PIP4K2A: variants seen among roughly 807,000 people sequenced by gnomAD.
PIP4K2A encodes phosphatidylinositol-5-phosphate 4-kinase type 2 alpha, also known as phosphatidylinositol 5-phosphate 4-kinase type-2 alpha.
A neutral mutation model predicts 42.9 loss-of-function variants in PIP4K2A; 14 were observed. That is an observed-to-expected ratio of 0.33 (90% confidence interval 0.22 to 0.51). The LOEUF is 0.51. Among genes scored for constraint, PIP4K2A ranks in the 20% least tolerant of loss-of-function variants. The pLI is 0.97. For missense variants in PIP4K2A, 434 were observed against 519.8 expected (o/e 0.83, Z 1.61); for synonymous variants, 192 against 192.2 (o/e 1.00, Z 0.01).
At chr10:22,598,026 A>G (rs1040036825) in intron 3 of PIP4K2A, among the ~76,000 whole-genome samples, 4 of 152,188 alleles carry the variant, frequency 2.6e-5, no homozygotes, top group African/African-American at 9.7e-5. Context: ...ACACACTTGG[A>G]GAGTTATATG....
chr10:22,668,432 T>C (rs537336241), intron 1 of PIP4K2A, among the ~76,000 whole-genome samples: 1 of 152,304 alleles, frequency 6.6e-6, no homozygotes, highest in South Asian at 2.1e-4. Context: ...TTTTTGTTTG[T>C]TTGTTTTTTA....
At chr10:22,708,501 CCAT>C (rs1213669020) in intron 1 of PIP4K2A, among the ~76,000 whole-genome samples, 1 of 152,218 alleles carries the variant, frequency 6.6e-6, no homozygotes, top group Non-Finnish European at 1.5e-5. Flanking sequence ...CCACCCACCA[CCAT>C]CACCTGCAAT....
At chr10:22,704,307 GC>G (rs1833770509) in intron 1 of PIP4K2A, among the ~76,000 whole-genome samples, 1 of 152,054 alleles carries the variant, frequency 6.6e-6, no homozygotes, top group Admixed American at 6.5e-5. Flanking sequence ...AAAAAAAGGA[GC>G]CCCCTGCATT....
At chr10:22,598,940 G>T in intron 3 of PIP4K2A, among the ~76,000 whole-genome samples, 2 of 151,712 alleles carry the variant, frequency 1.3e-5, no homozygotes. Flanking sequence ...ACATTTGATA[G>T]TTTCATATTA....
At chr10:22,680,924 A>G (rs1002361514) in intron 1 of PIP4K2A, among the ~76,000 whole-genome samples, 1 of 152,204 alleles carries the variant, frequency 6.6e-6, no homozygotes, top group Non-Finnish European at 1.5e-5. Context: ...GCAAGCCACA[A>G]AGATTCCTTT....
In PIP4K2A at chr10:22,664,160, T is replaced by TATATAC. The variant is rs1554807281; in HGVS notation, c.144+50022_144+50023insGTATAT. On this transcript the variant is annotated intron_variant, in intron 1 of 9. Coordinates refer to ENST00000376573, the MANE Select transcript of PIP4K2A (RefSeq NM_005028.5). ...ATATATACATATATATACACATATA[T>TATATAC]ATATATACATATATATATATACATA... 3.0e-3 allele frequency among the ~76,000 whole-genome samples: 199 copies of TATATAC among 67,232 alleles called. 16 individuals are homozygous for TATATAC. Among genetic ancestry groups the TATATAC allele is most frequent in the African/African-American group, 0.022 (193 of 8,970 alleles). The allele number at this position is 67,232 out of a possible 152,430, so 44.1% of individuals were successfully genotyped here. A position where few individuals can be genotyped will look rare whatever the true frequency, so the allele number is the denominator to read the frequency against.
Position 22,536,981 on chromosome 10 carries a change from CA to C in PIP4K2A, c.*219del. 6.5e-6 allele frequency: 3 copies of C among 459,176 alleles called. No individual in the cohort carries two copies. Among genetic ancestry groups the C allele is most frequent in the East Asian group, 4.1e-5 (1 of 24,668 alleles). 28.4% of individuals were successfully genotyped at this position (459,176 alleles called of 1,614,324 possible). Reference sequence around the variant, plus strand: ...CACCCCCCCCCAACACACACACACACACATATACACAAAGTCAGAAATAGCT... The same window carrying C: ...CACCCCCCCCCAACACACACACACACCATATACACAAAGTCAGAAATAGCT... On this transcript the variant is annotated 3_prime_UTR_variant, in exon 10 of 10. Transcript: ENST00000376573.
At chr10:22,562,462 T>C (rs969854759) in intron 6 of PIP4K2A, among the ~76,000 whole-genome samples, 4 of 152,092 alleles carry the variant, frequency 2.6e-5, no homozygotes, top group African/African-American at 7.2e-5. Flanking sequence ...GGCAGGAGAA[T>C]GGCATGAACC....
intron 1 of PIP4K2A, among the ~76,000 whole-genome samples, chr10:22,634,796 A>AT (rs1838626233): frequency 6.6e-6 from 1 of 152,140 alleles, no homozygotes; most frequent in South Asian, 2.1e-4. Flanking sequence ...AATCATCTCT[A>AT]ATGTCACCAA....
At chr10:22,558,385 T>C (rs1412958978) in intron 6 of PIP4K2A, among the ~76,000 whole-genome samples, 1 of 152,230 alleles carries the variant, frequency 6.6e-6, no homozygotes, top group Non-Finnish European at 1.5e-5. Flanking sequence ...ATGTTGGAGC[T>C]AGGATAAAAA....
At chr10:22,545,640 G>A (rs1836242203) in intron 7 of PIP4K2A, among the ~76,000 whole-genome samples, 1 of 152,212 alleles carries the variant, frequency 6.6e-6, no homozygotes, top group Non-Finnish European at 1.5e-5. Context: ...GCATCTCTAG[G>A]TAAGAAGCTG....
chr10:22,569,024 G>A lies in PIP4K2A; in HGVS notation c.640-1135C>T, dbSNP rs188535082. 9 of 1,535,142 alleles carry A rather than the reference G, an allele frequency of 5.9e-6. No individual in the cohort carries two copies. In the East Asian group the frequency reaches 2.0e-4, roughly 33 times the overall value. On this transcript the variant is annotated intron_variant, in intron 5 of 9. Transcript: ENST00000376573. ...TTAAATGAACTTACAGTTGGCTTGG[G>A]AAAAGTGAAAGTGGCTTTTAGATTG... is the stretch of plus-strand genomic sequence containing the variant.
At chr10:22,541,714 C>T (rs1836118715) in intron 8 of PIP4K2A, 90 bp downstream of exon 8, 5 of 1,414,938 alleles carry the variant, frequency 3.5e-6, no homozygotes, top group Non-Finnish European at 3.7e-6. Flanking sequence ...GGGCAGCACC[C>T]TCATAACTGG....
chr10:22,662,437 T>C (rs1310064460), intron 1 of PIP4K2A, among the ~76,000 whole-genome samples: 1 of 152,256 alleles, frequency 6.6e-6, no homozygotes, highest in Non-Finnish European at 1.5e-5. Context: ...AATGTTGTGC[T>C]GTGAGTTTTC....
intron 1 of PIP4K2A, among the ~76,000 whole-genome samples, chr10:22,617,530 A>C (rs1237880120): frequency 6.6e-6 from 1 of 152,282 alleles, no homozygotes; most frequent in African/African-American, 2.4e-5. Context: ...CATAATTAGT[A>C]ATTGGTTTTC....
At chr10:22,546,996 T>C (rs1016852708) in intron 7 of PIP4K2A, among the ~76,000 whole-genome samples, 20 of 152,206 alleles carry the variant, frequency 1.3e-4, no homozygotes, top group African/African-American at 4.8e-4. Context: ...GGACCTCACA[T>C]CTGCCTCTTT....
intron 1 of PIP4K2A, among the ~76,000 whole-genome samples, chr10:22,659,121 G>A (rs989797360): frequency 2.0e-5 from 3 of 152,174 alleles, no homozygotes; most frequent in Non-Finnish European, 2.9e-5. Context: ...ACATGAACAG[G>A]TTGGACTGAA....
intron 1 of PIP4K2A, among the ~76,000 whole-genome samples, chr10:22,681,117 T>C (rs909689600): frequency 5.3e-5 from 8 of 152,240 alleles, no homozygotes; most frequent in African/African-American, 1.9e-4. Context: ...AGATTTTTTC[T>C]TGTCATTTCT....
intron 1 of PIP4K2A, among the ~76,000 whole-genome samples, chr10:22,712,942 CTGTGTGTG>C (rs986494955): frequency 7.2e-6 from 1 of 138,396 alleles, no homozygotes; most frequent in Non-Finnish European, 1.6e-5. Flanking sequence ...GTGTGTGTGT[CTGTGTGTG>C]TGTTTTCCGA....
Sources: allele counts gnomAD v4.1 joint callset (sites outside exome capture counted in the v4.1 genomes callset), GRCh38; gene constraint gnomAD v4.1.1; transcripts MANE v1.5; gene names NCBI Gene and HGNC (gene_info 2026-07-23, HGNC 2026-07-21).